Variants in LDB2 observed in about 807,000 individuals in gnomAD.
LDB2 encodes LIM domain binding 2.
A neutral mutation model predicts 44.3 loss-of-function variants in LDB2; 12 were observed. The ratio of observed to expected loss-of-function variants is 0.27; its 90% CI spans 0.17 to 0.44. The LOEUF (loss-of-function observed/expected upper bound fraction) is 0.44, where lower values mean the gene tolerates loss of function less well. LDB2 is among the 20% of genes least tolerant of loss of function. The pLI is 1.00. For missense variants in LDB2, 344 were observed against 473.5 expected (o/e 0.73, Z 2.54); for synonymous variants, 164 against 174.8 (o/e 0.94, Z 0.49).
chr4:16,647,534 T>C (rs1737122454), intron 2 of LDB2, among the ~76,000 whole-genome samples: 1 of 152,184 alleles, frequency 6.6e-6, no homozygotes, highest in African/African-American at 2.4e-5. Flanking sequence ...CCCTAGTGAA[T>C]GATCACTTTT....
At chr4:16,719,700 A>C (rs1757838849) in intron 2 of LDB2, among the ~76,000 whole-genome samples, 1 of 152,256 alleles carries the variant, frequency 6.6e-6, no homozygotes, top group African/African-American at 2.4e-5. Context: ...CTCTTAAACA[A>C]GGTAACCCAG....
At chr4:16,521,368 C>T (rs1483303361) in intron 5 of LDB2, among the ~76,000 whole-genome samples, 1 of 152,150 alleles carries the variant, frequency 6.6e-6, no homozygotes, top group Non-Finnish European at 1.5e-5. Context: ...CTGCCTCCAT[C>T]TGCACATGGC....
chr4:16,616,470 G>A (rs1727364052), intron 2 of LDB2, among the ~76,000 whole-genome samples: 1 of 152,014 alleles, frequency 6.6e-6, no homozygotes, highest in African/African-American at 2.4e-5. Flanking sequence ...CAGAGGTGCT[G>A]AGAATAAAAT....
chr4:16,671,277 A>C (rs895978998), intron 2 of LDB2, among the ~76,000 whole-genome samples: 1 of 152,118 alleles, frequency 6.6e-6, no homozygotes, highest in Admixed American at 6.5e-5. Context: ...AATCCTTGCA[A>C]ATCTCTATTC....
At chr4:16,632,024 C>T (rs1460204872) in intron 2 of LDB2, among the ~76,000 whole-genome samples, 1 of 152,188 alleles carries the variant, frequency 6.6e-6, no homozygotes, top group Non-Finnish European at 1.5e-5. Context: ...GGAGCTGGTA[C>T]CATTCCTTCC....
At chr4:16,784,330 C>T (rs1294673405) in intron 1 of LDB2, among the ~76,000 whole-genome samples, 4 of 152,152 alleles carry the variant, frequency 2.6e-5, no homozygotes, top group Admixed American at 2.6e-4. Flanking sequence ...GTAGTAGGAA[C>T]CTCTACACCT....
chr4:16,882,419 C>T (rs1049700338), intron 1 of LDB2, among the ~76,000 whole-genome samples: 1 of 152,106 alleles, frequency 6.6e-6, no homozygotes, highest in Non-Finnish European at 1.5e-5. Flanking sequence ...CTCCTTTTCC[C>T]CTGCCTCCAT....
chr4:16,597,423 G>C (rs1401285993), intron 2 of LDB2, among the ~76,000 whole-genome samples: 2 of 152,058 alleles, frequency 1.3e-5, no homozygotes, highest in African/African-American at 4.8e-5. Flanking sequence ...ATTCAAATGA[G>C]AGTAATTTGA....
intron 1 of LDB2, among the ~76,000 whole-genome samples, chr4:16,837,062 T>C (rs1485692159): frequency 1.3e-5 from 2 of 152,170 alleles, no homozygotes; most frequent in Non-Finnish European, 2.9e-5. Context: ...AGACCCTGAA[T>C]GCAAAGTAGA....
chr4:16,765,198 A>G (rs969185491), intron 1 of LDB2, among the ~76,000 whole-genome samples: 1 of 152,228 alleles, frequency 6.6e-6, no homozygotes, highest in Non-Finnish European at 1.5e-5. Context: ...AAGCTAAAAG[A>G]GAGTCTATCC....
chr4:16,759,302 A>C (rs564503891), intron 1 of LDB2, 42 bp from the exon 2 acceptor site: 1 of 1,363,900 alleles, frequency 7.3e-7, no homozygotes, highest in African/African-American at 1.4e-5. Context: ...GGAAAGTGGG[A>C]AATATCTCAA....
chr4:16,682,037 C>T (rs1052644306), intron 2 of LDB2, among the ~76,000 whole-genome samples: 2 of 152,094 alleles, frequency 1.3e-5, no homozygotes, highest in African/African-American at 4.8e-5. Flanking sequence ...ACTGATTTTC[C>T]AGGTGACTAC....
chr4:16,583,737 C>T (rs553591711), intron 5 of LDB2, among the ~76,000 whole-genome samples: 2 of 152,302 alleles, frequency 1.3e-5, no homozygotes, highest in South Asian at 2.1e-4. Flanking sequence ...ACCTGTCAAG[C>T]GGCCCACGTC....
chr4:16,752,126 C>T lies in LDB2; in HGVS notation c.235+7032G>A, dbSNP rs182424714. ...AGATGCCACAGTCAGAGGCAAGAAT[C>T]CATTCCCATAATTAAACATGAAGGA... is the stretch of plus-strand genomic sequence containing the variant. On this transcript the variant is annotated intron_variant, in intron 2 of 7. Transcript: ENST00000304523. Among the ~76,000 whole-genome samples the T allele has an allele frequency of 2.5e-3, 386 of 152,304 alleles. 3 individuals carry two copies. Among genetic ancestry groups the T allele is most frequent in the Middle Eastern group, 6.8e-3 (2 of 294 alleles).
chr4:16,577,110 C>G (rs1027775100), intron 5 of LDB2, among the ~76,000 whole-genome samples: 1 of 152,100 alleles, frequency 6.6e-6, no homozygotes, highest in Non-Finnish European at 1.5e-5. Flanking sequence ...CATGACAGAC[C>G]TACAGCTGGT....
intron 5 of LDB2, among the ~76,000 whole-genome samples, chr4:16,547,798 G>C (rs530764203): frequency 6.6e-5 from 10 of 152,216 alleles, no homozygotes; most frequent in African/African-American, 2.2e-4. Context: ...TTTCTGTCTT[G>C]TTACCTCAGT....
chr4:16,764,773 T>C (rs967750873), intron 1 of LDB2, among the ~76,000 whole-genome samples: 1 of 152,170 alleles, frequency 6.6e-6, no homozygotes, highest in Non-Finnish European at 1.5e-5. Context: ...ACCACAAAAA[T>C]GGCCCATTCT....
chr4:16,618,002 C>G (rs567292683), intron 2 of LDB2, among the ~76,000 whole-genome samples: 1 of 152,044 alleles, frequency 6.6e-6, no homozygotes, highest in South Asian at 2.1e-4. Context: ...ATAATTCTTT[C>G]TTTTTTTGAG....
At position 16,896,421 on chromosome 4, in the gene LDB2, T is replaced by C. The variant is rs75719144; in HGVS notation, c.132+1933A>G. ...TATTGAATCCTGCAGTTTTTTTTAA[T>C]GAGGGCAAGAGTAGGGAAATCTTGC... On this transcript the variant is annotated intron_variant, in intron 1 of 7. Coordinates refer to ENST00000304523, the MANE Select transcript of LDB2 (RefSeq NM_001290.5). Among the ~76,000 whole-genome samples, 19 of 152,232 alleles carry C rather than the reference T, an allele frequency of 1.2e-4. No homozygotes were observed. In the East Asian group the frequency reaches 3.7e-3, roughly 29 times the overall value.
Sources: gnomAD v4.1 joint callset for allele counts (sites outside exome capture counted in the v4.1 genomes callset) on GRCh38, gnomAD v4.1.1 for gene constraint, MANE v1.5 for transcripts, NCBI Gene and HGNC (gene_info 2026-07-23, HGNC 2026-07-21) for gene names.